The following MARCHF10 variants were observed in gnomAD, a reference collection of about 807,000 sequenced individuals.
MARCHF10 encodes the protein membrane associated ring-CH-type finger 10, also known as probable E3 ubiquitin-protein ligase MARCHF10.
Under a neutral mutation model 76.2 loss-of-function variants are expected in MARCHF10, and 64 were observed. That is an observed-to-expected ratio of 0.84 (90% CI 0.69 to 1.03). The LOEUF (loss-of-function observed/expected upper bound fraction) is 1.03, where lower values mean the gene tolerates loss of function less well. Among genes scored for constraint, MARCHF10 ranks in the 50% least tolerant of loss-of-function variants. The pLI, the probability that MARCHF10 is intolerant of heterozygous loss-of-function variation, is 0.00. For missense variants in MARCHF10, 875 were observed against 958.0 expected, an observed-to-expected ratio of 0.91 and a Z score of 1.14; for synonymous variants, 340 against 357.5, an observed-to-expected ratio of 0.95 and a Z score of 0.55.
At chr17:62,794,964 C>A (rs1183542540) in intron 2 of MARCHF10, 1 of 948,274 alleles carries the variant, frequency 1.1e-6, no homozygotes, top group East Asian at 1.2e-4. Flanking sequence ...AGATAGTATT[C>A]CCCTCCAGCT....
At chr17:62,748,704 C>G (rs956945329) in intron 4 of MARCHF10, among the ~76,000 whole-genome samples, 2 of 152,260 alleles carry the variant, frequency 1.3e-5, no homozygotes, top group Non-Finnish European at 2.9e-5. Context: ...GTGTTTGCAC[C>G]ACTGCACTCC....
At chr17:62,758,971 C>G (rs2092121183) in intron 4 of MARCHF10, among the ~76,000 whole-genome samples, 1 of 152,114 alleles carries the variant, frequency 6.6e-6, no homozygotes, top group African/African-American at 2.4e-5. Flanking sequence ...GAATTTTATC[C>G]CCTTTCTGGA....
At position 62,789,387 on chromosome 17, in the gene MARCHF10, C is replaced by T. The variant is rs931507596; in HGVS notation, c.91-788G>A. 2.3e-4 allele frequency among the ~76,000 whole-genome samples: 35 copies of T among 152,286 alleles called. No homozygotes were observed. The South Asian group carries it at 4.3e-3, about 19-fold the overall frequency. ...CTGTTAGAAGCTCTCTTGGCAAAAC[C>T]GACTGATCTACTAAAAAGCCTGCTG... On this transcript the variant is annotated intron_variant, in intron 2 of 10. Transcript: ENST00000311269.
At chr17:62,754,995 TTG>T (rs1226080909) in intron 4 of MARCHF10, among the ~76,000 whole-genome samples, 6 of 152,202 alleles carry the variant, frequency 3.9e-5, no homozygotes, top group African/African-American at 1.4e-4. Context: ...TTTTAGATGT[TTG>T]TCTCTTAACA....
intron 3 of MARCHF10, among the ~76,000 whole-genome samples, chr17:62,767,013 C>G (rs753298184): frequency 6.6e-6 from 1 of 152,098 alleles, no homozygotes. Flanking sequence ...TCTGGCTAGG[C>G]TGGAGGTAGC....
chr17:62,778,682 C>CAAAAA (rs71357038), intron 3 of MARCHF10, among the ~76,000 whole-genome samples: 3 of 100,816 alleles, frequency 3.0e-5, no homozygotes, highest in African/African-American at 7.2e-5. Context: ...GACTCTGTCT[C>CAAAAA]AAAAAAAAAA....
Position 62,718,310 on chromosome 17 carries a change from C to G in MARCHF10, c.2214+4178G>C, listed in dbSNP as rs534788241. On this transcript the variant is annotated intron_variant, in intron 8 of 10. Transcript: ENST00000311269. ...GTAGGCTTTTCAGTGGGACCTGCGG[C>G]CTCAGACTACATGAGTGCAAACATC... 3.9e-5 allele frequency among the ~76,000 whole-genome samples: 6 copies of G among 152,314 alleles called. No homozygotes were observed. The South Asian group carries it at 1.2e-3, about 32-fold the overall frequency.
intron 3 of MARCHF10, among the ~76,000 whole-genome samples, 163 bp from the exon 4 acceptor site, chr17:62,760,169 G>A (rs911207689): frequency 2.1e-5 from 3 of 143,592 alleles, no homozygotes; most frequent in Non-Finnish European, 3.1e-5. Flanking sequence ...CAGATGGACT[G>A]GGCAGAGCAA....
intron 5 of MARCHF10, among the ~76,000 whole-genome samples, chr17:62,741,014 C>T (rs569784781): frequency 1.1e-4 from 17 of 152,322 alleles, no homozygotes; most frequent in African/African-American, 3.8e-4. Flanking sequence ...ACCCGTTATG[C>T]ATCTGTCCTG....
At chr17:62,704,593 G>A (rs956887684) in intron 10 of MARCHF10, among the ~76,000 whole-genome samples, 49 of 152,360 alleles carry the variant, frequency 3.2e-4, no homozygotes, top group African/African-American at 1.1e-3. Context: ...CAGGACTACT[G>A]GGAGTTCTCA....
chr17:62,803,747 G>A (rs890997541), intron 1 of MARCHF10, among the ~76,000 whole-genome samples: 3 of 152,034 alleles, frequency 2.0e-5, no homozygotes, highest in Non-Finnish European at 2.9e-5. Flanking sequence ...AGCTCCTGAC[G>A]TCAGGTGATC....
intron 6 of MARCHF10, among the ~76,000 whole-genome samples, chr17:62,729,014 C>T (rs955962753): frequency 1.3e-5 from 2 of 152,182 alleles, no homozygotes; most frequent in Non-Finnish European, 2.9e-5. Context: ...TGGCTCACTG[C>T]AGCCTCTGCC....
chr17:62,730,191 GA>G (rs1350902926), intron 6 of MARCHF10, among the ~76,000 whole-genome samples: 1 of 148,640 alleles, frequency 6.7e-6, no homozygotes, highest in Non-Finnish European at 1.5e-5. Flanking sequence ...GTCTCAAAAA[GA>G]AAATGAAAAA....
chr17:62,746,654 G>C (rs1271452470), intron 4 of MARCHF10, among the ~76,000 whole-genome samples: 1 of 152,196 alleles, frequency 6.6e-6, no homozygotes, highest in Admixed American at 6.5e-5. Context: ...ATGGAGAGAA[G>C]AGGAAGAAAC....
At chr17:62,762,837 C>T (rs115672439) in intron 3 of MARCHF10, among the ~76,000 whole-genome samples, 1,618 of 152,348 alleles carry the variant, frequency 0.011, 35 homozygotes, top group South Asian at 0.04. Context: ...TAAGCCACCA[C>T]GCCCGGCCTA....
intron 2 of MARCHF10, among the ~76,000 whole-genome samples, chr17:62,794,163 TCAC>T (rs1249912795): frequency 8.0e-5 from 7 of 87,074 alleles, no homozygotes; most frequent in East Asian, 4.0e-4. Context: ...ACCACCTCCA[TCAC>T]CACCACCACC....
intron 2 of MARCHF10, among the ~76,000 whole-genome samples, chr17:62,798,442 T>TAAAA (rs76893795): frequency 2.3e-5 from 2 of 86,422 alleles, no homozygotes; most frequent in Non-Finnish European, 5.0e-5. Context: ...TGGGAAACAT[T>TAAAA]AAAAAAAAAA....
intron 1 of MARCHF10, among the ~76,000 whole-genome samples, chr17:62,806,928 TAAGAGA>T (rs1310809794): frequency 6.6e-6 from 1 of 152,200 alleles, no homozygotes; most frequent in Non-Finnish European, 1.5e-5. Flanking sequence ...TATGTTCTCA[TAAGAGA>T]AAGACATCAC....
chr17:62,732,897 G>A (rs1355324483), intron 6 of MARCHF10, among the ~76,000 whole-genome samples: 1 of 149,554 alleles, frequency 6.7e-6, no homozygotes, highest in Non-Finnish European at 1.5e-5. Context: ...GGAGGCTGAG[G>A]CAGGAGAATC....
Sources: gnomAD v4.1 joint callset for allele counts (sites outside exome capture counted in the v4.1 genomes callset) on GRCh38, gnomAD v4.1.1 for gene constraint, MANE v1.5 for transcripts, NCBI Gene and HGNC (gene_info 2026-07-23, HGNC 2026-07-21) for gene names.